Variants in UBE3A observed in about 807,000 individuals in gnomAD.
UBE3A encodes the protein ubiquitin protein ligase E3A.
A neutral mutation model predicts 83.4 loss-of-function variants in UBE3A; 6 were observed. That is an observed-to-expected ratio of 0.07 (90% CI 0.04 to 0.14). The LOEUF (loss-of-function observed/expected upper bound fraction) is 0.14, where lower values mean the gene tolerates loss of function less well. Among genes scored for constraint, UBE3A ranks in the 10% least tolerant of loss-of-function variants. The probability of loss-of-function intolerance (pLI) is 1.00; values close to 1 mark genes in which losing one functional copy is unlikely to be tolerated. For missense variants in UBE3A, 456 were observed against 1,036.1 expected (o/e 0.44, Z 7.69); for synonymous variants, 337 against 355.4 (o/e 0.95, Z 0.58).
intron 6 of UBE3A, among the ~76,000 whole-genome samples, chr15:25,367,331 A>G (rs2079483058): frequency 1.3e-5 from 2 of 150,848 alleles, no homozygotes; most frequent in South Asian, 4.2e-4. Context: ...TTATATTAAA[A>G]ATGTAAATTT....
chr15:25,407,331 A>G, intron 3 of UBE3A: 1 of 984,700 alleles, frequency 1.0e-6, no homozygotes, highest in Non-Finnish European at 1.2e-6. Flanking sequence ...ATTAACAGGG[A>G]AAGAGAAGAG....
intron 6 of UBE3A, among the ~76,000 whole-genome samples, chr15:25,364,704 C>T (rs1466916709): frequency 3.5e-5 from 5 of 143,994 alleles, no homozygotes; most frequent in South Asian, 2.1e-4. Context: ...AGTGCAGTGG[C>T]GCAATCTTGG....
At chr15:25,350,719 C>T (rs1356140988) in intron 11 of UBE3A, among the ~76,000 whole-genome samples, 11 of 152,154 alleles carry the variant, frequency 7.2e-5, no homozygotes, top group African/African-American at 1.4e-4. Context: ...AAACACTTTG[C>T]GTATTCATAT....
At chr15:25,339,630 G>A (rs1343070466) in intron 12 of UBE3A, 1 of 272,086 alleles carries the variant, frequency 3.7e-6, no homozygotes, top group Non-Finnish European at 7.1e-6. Flanking sequence ...CTCTAAGGTG[G>A]AGAAAATACT....
intron 4 of UBE3A, among the ~76,000 whole-genome samples, chr15:25,405,061 C>T (rs577050459): frequency 3.3e-4 from 50 of 152,308 alleles, no homozygotes; most frequent in African/African-American, 1.1e-3. Flanking sequence ...ATCTTTCACT[C>T]TTGAGTATAA....
chr15:25,407,259 G>A, intron 3 of UBE3A: 2 of 1,092,316 alleles, frequency 1.8e-6, no homozygotes, highest in Non-Finnish European at 2.3e-6. Flanking sequence ...TAAACCTGCT[G>A]GCACTGAGGG....
intron 4 of UBE3A, among the ~76,000 whole-genome samples, chr15:25,399,614 G>C (rs1460852475): frequency 6.6e-6 from 1 of 152,072 alleles, no homozygotes; most frequent in African/African-American, 2.4e-5. Context: ...TGTCATCCAG[G>C]CTGGAGTGCA....
At chr15:25,339,792 T>C (rs551940491) in intron 12 of UBE3A, 4 of 426,068 alleles carry the variant, frequency 9.4e-6, no homozygotes, top group African/African-American at 2.0e-5. Context: ...TCTAAATAGA[T>C]GATCATGTTA....
intron 6 of UBE3A, among the ~76,000 whole-genome samples, chr15:25,368,559 G>T (rs2152806257): frequency 6.6e-6 from 1 of 152,040 alleles, no homozygotes; most frequent in East Asian, 1.9e-4. Flanking sequence ...AACTGCTTTT[G>T]TGGGCTGGCA....
chr15:25,338,996 T>C lies in UBE3A; in HGVS notation c.*141A>G, dbSNP rs1406383547. 2 of 914,960 alleles carry C rather than the reference T, an allele frequency of 2.2e-6. No homozygotes were observed. The highest frequency in any genetic ancestry group is 3.1e-6 in the Non-Finnish European group (2 of 653,502). 56.7% of individuals were successfully genotyped at this position (914,960 alleles called of 1,614,324 possible). On this transcript the variant is annotated 3_prime_UTR_variant, in exon 13 of 13. Coordinates refer to ENST00000648336, the MANE Select transcript of UBE3A (RefSeq NM_130839.5). ...GGGAGGCACAGACATAGGTGACTAC[T>C]GTGGTTGACTATCTTACAGCCTTTT...
At chr15:25,437,575 T>C (rs1033428807) in intron 1 of UBE3A, among the ~76,000 whole-genome samples, 4 of 152,208 alleles carry the variant, frequency 2.6e-5, no homozygotes, top group African/African-American at 7.2e-5. Flanking sequence ...AAACCCCATA[T>C]GCTATTAGTT....
At chr15:25,354,061 A>G (rs2076896288) in intron 11 of UBE3A, 1 of 448,862 alleles carries the variant, frequency 2.2e-6, no homozygotes, top group African/African-American at 2.0e-5. Flanking sequence ...TATTTTAATT[A>G]TCTTCTAACC....
chr15:25,421,716 ATGT>A (rs995062502), intron 1 of UBE3A, among the ~76,000 whole-genome samples: 1 of 152,148 alleles, frequency 6.6e-6, no homozygotes, highest in Non-Finnish European at 1.5e-5. Flanking sequence ...GGTATATTTG[ATGT>A]TGTGTATTTT....
chr15:25,385,449 T>C (rs1368285082), intron 4 of UBE3A, among the ~76,000 whole-genome samples: 2 of 151,926 alleles, frequency 1.3e-5, no homozygotes, highest in Non-Finnish European at 2.9e-5. Flanking sequence ...AAAATAAGTA[T>C]TGGTGAAGAT....
chr15:25,432,344 A>T (rs536458478), intron 1 of UBE3A, among the ~76,000 whole-genome samples: 17 of 152,356 alleles, frequency 1.1e-4, no homozygotes, highest in African/African-American at 3.8e-4. Context: ...TGTTGGCTAC[A>T]GTACACAAAG....
intron 11 of UBE3A, among the ~76,000 whole-genome samples, chr15:25,351,557 C>T (rs2076512553): frequency 6.6e-6 from 1 of 152,166 alleles, no homozygotes; most frequent in Non-Finnish European, 1.5e-5. Context: ...GCAACCTCCG[C>T]CTCCCAGGTT....
rs534163876 is a variant in UBE3A at position 25,394,299 on chromosome 15, T to C, written c.62+11162A>G. Among the ~76,000 whole-genome samples the C allele has an allele frequency of 5.3e-5, 8 of 152,306 alleles. No individual in the cohort carries two copies. In the South Asian group the frequency reaches 1.5e-3, roughly 28 times the overall value. On this transcript the variant is annotated intron_variant, in intron 4 of 12. Coordinates refer to ENST00000648336, the MANE Select transcript of UBE3A (RefSeq NM_130839.5). ...TTCTGATACTGTCTCGATAACAGTG[T>C]CAATTAAACCTTTCTCTAATTATTT...
chr15:25,339,098 TTCC>T lies in UBE3A; in HGVS notation c.*36_*38del. 7 of 1,490,450 alleles carry T rather than the reference TTCC, an allele frequency of 4.7e-6. No individual in the cohort carries two copies. The highest frequency in any genetic ancestry group is 5.3e-6 in the Non-Finnish European group (6 of 1,125,274). The allele number at this position is 1,490,450 out of a possible 1,614,324, so 92.3% of individuals were successfully genotyped here. A position where few individuals can be genotyped will look rare whatever the true frequency, so the allele number is the denominator to read the frequency against. ...AATTTTTTAAATTTTTTCTTTTTTT[TTCC>T]TTCCTTTTTTTTGTTTTATTTTGTT... On this transcript the variant is annotated 3_prime_UTR_variant, in exon 13 of 13. Transcript: ENST00000648336.
Position 25,438,596 on chromosome 15 carries a change from C to A in UBE3A, c.-272G>T. Reference sequence around the variant, plus strand: ...CCTCGTTCTCTTTCGCTGCCGCCACCGCCGGGGCTCATGCGGGACCCGCGC... The same window carrying A: ...CCTCGTTCTCTTTCGCTGCCGCCACAGCCGGGGCTCATGCGGGACCCGCGC... On this transcript the variant is annotated 5_prime_UTR_variant, in exon 1 of 13. Transcript: ENST00000648336. 6.5e-6 allele frequency: 1 copy of A among 153,302 alleles called. No homozygotes were observed. The highest frequency in any genetic ancestry group is 1.8e-4 in the South Asian group (1 of 5,490). 9.5% of individuals were successfully genotyped at this position (153,302 alleles called of 1,614,324 possible).
Sources: gnomAD v4.1 joint callset for allele counts (sites outside exome capture counted in the v4.1 genomes callset) on GRCh38, gnomAD v4.1.1 for gene constraint, MANE v1.5 for transcripts, NCBI Gene and HGNC (gene_info 2026-07-23, HGNC 2026-07-21) for gene names.